Variants in VPS35L observed in about 807,000 individuals in gnomAD.
The protein encoded by VPS35L is VPS35 endosomal protein sorting factor like.
Under a neutral mutation model 133.0 loss-of-function variants are expected in VPS35L, and 83 were observed. That is an observed-to-expected ratio of 0.62 (90% confidence interval 0.52 to 0.75). The LOEUF (loss-of-function observed/expected upper bound fraction) is 0.75, where lower values mean the gene tolerates loss of function less well. Among genes scored for constraint, VPS35L ranks in the 30% least tolerant of loss-of-function variants. The pLI is 0.00. For missense variants in VPS35L, 1,083 were observed against 1,206.8 expected (o/e 0.90, Z 1.52); for synonymous variants, 423 against 449.9 (o/e 0.94, Z 0.76).
intron 1 of VPS35L, among the ~76,000 whole-genome samples, chr16:19,561,313 C>G (rs996394392): frequency 5.3e-5 from 8 of 151,906 alleles, no homozygotes; most frequent in East Asian, 3.9e-4. Flanking sequence ...GGAGCTTGCA[C>G]TGAGCGGAGA....
In VPS35L at chr16:19,651,133, C is replaced by T. The variant is rs567077293; in HGVS notation, c.2106+674C>T. On this transcript the variant is annotated intron_variant, in intron 25 of 30. Transcript: ENST00000417362. ...CTGTCCTCAAGTGATCTGCCCGCCT[C>T]GGCCTCCCAAAGTGCTGGGATTACA... Among the ~76,000 whole-genome samples, 7 of 152,226 alleles carry T rather than the reference C, an allele frequency of 4.6e-5. No homozygotes were observed. In the South Asian group the frequency reaches 1.0e-3, roughly 23 times the overall value.
At chr16:19,673,697 A>C (rs1974952393) in intron 27 of VPS35L, among the ~76,000 whole-genome samples, 1 of 152,190 alleles carries the variant, frequency 6.6e-6, no homozygotes, top group African/African-American at 2.4e-5. Context: ...TGCAGTTCAC[A>C]ACACCTCACT....
At chr16:19,677,360 G>A (rs374620360) in intron 27 of VPS35L, among the ~76,000 whole-genome samples, 1 of 152,184 alleles carries the variant, frequency 6.6e-6, no homozygotes, top group East Asian at 1.9e-4. Flanking sequence ...TGGAATTACA[G>A]GCGTGAGCCA....
rs559863804 is a variant in VPS35L, at chr16:19,581,515, C to A, written c.511-10C>A. ...CTGCTATGCCTTCACCTTCTGCCTT[C>A]TCCCCACAGGGTTCCCAAAAGGAGC... On this transcript the variant is annotated splice_polypyrimidine_tract_variant and intron_variant, in intron 6 of 30. Coordinates refer to ENST00000417362, the MANE Select transcript of VPS35L (RefSeq NM_020314.7). The A allele has an allele frequency of 2.0e-5, 31 of 1,574,454 alleles. No individual in the cohort carries two copies. In the South Asian group the frequency reaches 3.6e-4, roughly 18 times the overall value.
Position 19,639,982 on chromosome 16 carries a change from C to A in VPS35L, c.1699-33C>A. On this transcript the variant is annotated intron_variant, in intron 20 of 30. Transcript: ENST00000417362. The surrounding 1 kb of genome is among the most constrained non-coding windows in gnomAD (Gnocchi z 4.1). ...ATTCCTTCCTTCCAATAACTTGTGT[C>A]ATTTGCATATAGAGTGCTTGCTTTA... 1.3e-6 allele frequency: 2 copies of A among 1,557,684 alleles called. No homozygotes were observed. Among genetic ancestry groups the A allele is most frequent in the South Asian group, 1.1e-5 (1 of 89,326 alleles).
intron 7 of VPS35L, among the ~76,000 whole-genome samples, chr16:19,583,137 A>G (rs1382186571): frequency 2.2e-5 from 3 of 136,532 alleles, no homozygotes; most frequent in African/African-American, 6.6e-5. Context: ...TAAGTGTGTA[A>G]TTCATTGATT....
chr16:19,636,246 A>G (rs976993286), intron 19 of VPS35L, among the ~76,000 whole-genome samples: 2 of 152,244 alleles, frequency 1.3e-5, no homozygotes, highest in African/African-American at 4.8e-5. Context: ...TACAAATTCT[A>G]TCATTAAATG....
chr16:19,653,885 G>A (rs1211517473), intron 26 of VPS35L, among the ~76,000 whole-genome samples: 2 of 152,136 alleles, frequency 1.3e-5, no homozygotes, highest in Non-Finnish European at 2.9e-5. Flanking sequence ...TTTAAAACTC[G>A]GCTTGGTTTT....
chr16:19,575,481 A>C (rs1172458756), intron 5 of VPS35L, among the ~76,000 whole-genome samples: 1 of 149,170 alleles, frequency 6.7e-6, no homozygotes, highest in East Asian at 2.0e-4. Context: ...CAGGAGAATC[A>C]CTTGAACCTG....
intron 5 of VPS35L, among the ~76,000 whole-genome samples, chr16:19,576,684 G>A (rs1380217037): frequency 6.6e-6 from 1 of 152,068 alleles, no homozygotes; most frequent in Non-Finnish European, 1.5e-5. Context: ...TGCTGGATGA[G>A]ACAGCACGTT....
intron 24 of VPS35L, among the ~76,000 whole-genome samples, chr16:19,648,530 G>T (rs551927819): frequency 6.6e-6 from 1 of 152,086 alleles, no homozygotes; most frequent in East Asian, 1.9e-4. Context: ...ACTTTTTATG[G>T]TGCCCTCAGA....
intron 3 of VPS35L, among the ~76,000 whole-genome samples, chr16:19,572,557 C>T (rs373138756): frequency 1.3e-5 from 2 of 152,200 alleles, no homozygotes; most frequent in East Asian, 3.8e-4. Flanking sequence ...AGCCTGACAT[C>T]AGCCAGCATT....
chr16:19,693,676 T>A (rs1032369915), intron 29 of VPS35L, among the ~76,000 whole-genome samples: 4 of 150,722 alleles, frequency 2.7e-5, no homozygotes, highest in Non-Finnish European at 5.9e-5. Context: ...CCCAGCTACT[T>A]GGGAGGCTGA....
intron 14 of VPS35L, among the ~76,000 whole-genome samples, chr16:19,618,678 A>G (rs1972977050): frequency 6.6e-6 from 1 of 152,080 alleles, no homozygotes; most frequent in Non-Finnish European, 1.5e-5. Flanking sequence ...CTTGTTCCTA[A>G]CCACTCTGAG....
rs1974141941 is a variant in VPS35L, at chr16:19,651,958, T to A, written c.2107-18T>A. On this transcript the variant is annotated intron_variant, in intron 25 of 30. Transcript: ENST00000417362. ...CACCGTTGCACTGCTAGCGTTAATG[T>A]TTCTTCCCTTCTCCTAGGCCTGTGT... The A allele has an allele frequency of 6.5e-7, 1 of 1,545,698 alleles. No homozygotes were observed. The highest frequency in any genetic ancestry group is 1.7e-4 in the Middle Eastern group (1 of 5,942).
At chr16:19,576,832 G>A (rs1276642972) in intron 5 of VPS35L, among the ~76,000 whole-genome samples, 2 of 151,494 alleles carry the variant, frequency 1.3e-5, no homozygotes, top group African/African-American at 2.4e-5. Context: ...TCAGCCTTCT[G>A]AGTTACTGGG....
chr16:19,582,730 G>T (rs1252925652), intron 7 of VPS35L, among the ~76,000 whole-genome samples: 1 of 152,176 alleles, frequency 6.6e-6, no homozygotes, highest in Non-Finnish European at 1.5e-5. Flanking sequence ...GTTTAGAACT[G>T]TGTCTTCTAA....
At chr16:19,608,069 C>A in intron 9 of VPS35L, 109 bp from the exon 10 acceptor site, 1 of 751,322 alleles carries the variant, frequency 1.3e-6, no homozygotes, top group South Asian at 1.6e-5. Flanking sequence ...AGGAAAGAAA[C>A]AGGCTGAGTC....
Position 19,616,788 on chromosome 16 carries a change from A to G in VPS35L, c.1204A>G (p.Ile402Val). 1 of 1,614,140 alleles carries G rather than the reference A, an allele frequency of 6.2e-7. No individual in the cohort carries two copies. The highest frequency in any genetic ancestry group is 8.5e-7 in the Non-Finnish European group (1 of 1,180,020). ...TGCCATGGACTGGATCTTCCAGTGCATCTCCTACCATGCCCCCGAGGTAAC... is the reference window on the plus strand; with the variant it reads ...TGCCATGGACTGGATCTTCCAGTGCGTCTCCTACCATGCCCCCGAGGTAAC... Reference protein sequence around the residue: ...PPAMDWIFQCISYHAPEALLT... With the variant: ...PPAMDWIFQCVSYHAPEALLT... Residue 402 changes from isoleucine to valine, a missense_variant, in exon 14 of 31, where the codon ATC becomes GTC. Transcript: ENST00000417362.
Sources: gnomAD v4.1 joint callset for allele counts (sites outside exome capture counted in the v4.1 genomes callset) on GRCh38, gnomAD v4.1.1 for gene constraint, Gnocchi (gnomAD v3.1) non-coding constraint, MANE v1.5 for transcripts, NCBI Gene and HGNC (gene_info 2026-07-23, HGNC 2026-07-21) for gene names.